The following EDN1 variants were observed in gnomAD, a reference collection of about 807,000 sequenced individuals.
EDN1 encodes endothelin-1.
In EDN1, 11 loss-of-function variants were observed where a neutral mutation model predicts 21.7. That is an observed-to-expected ratio of 0.51 (90% confidence interval 0.32 to 0.84). The LOEUF (loss-of-function observed/expected upper bound fraction) is 0.84. EDN1 is among the 40% of genes least tolerant of loss of function. The pLI, the probability that EDN1 is intolerant of heterozygous loss-of-function variation, is 0.03. For missense variants in EDN1, 244 were observed against 262.3 expected (o/e 0.93, Z 0.48); for synonymous variants, 85 against 90.6 (o/e 0.94, Z 0.35).
chr6:12,265,444 G>A, the EDN1 span, among the ~76,000 whole-genome samples: 2 of 152,194 alleles, frequency 1.3e-5, no homozygotes, highest in African/African-American at 2.4e-5. Flanking sequence ...CCAGTGACTA[G>A]TGTCCTCATA....
chr6:12,273,534 C>A, the EDN1 span, among the ~76,000 whole-genome samples: 1 of 147,796 alleles, frequency 6.8e-6, no homozygotes. Flanking sequence ...CCAAATTCAG[C>A]AATTTTTTTT....
rs1762817114 is a variant in EDN1 at position 12,296,072 on chromosome 6, C to A, written c.*5C>A. 1 of 1,613,004 alleles carries A rather than the reference C, an allele frequency of 6.2e-7. No homozygotes were observed. The highest frequency in any genetic ancestry group is 1.1e-5 in the South Asian group (1 of 91,066). On this transcript the variant is annotated 3_prime_UTR_variant, in exon 5 of 5. Coordinates refer to ENST00000379375, the MANE Select transcript of EDN1 (RefSeq NM_001955.5). ...CACAACCGAGCACATTGGTGACAGACCTTCGGGGCCTGTCTGAAGCCATAG... is the reference window on the plus strand; with the variant it reads ...CACAACCGAGCACATTGGTGACAGAACTTCGGGGCCTGTCTGAAGCCATAG...
the EDN1 span, among the ~76,000 whole-genome samples, chr6:12,254,289 C>A: frequency 2.6e-4 from 39 of 152,284 alleles, no homozygotes; most frequent in African/African-American, 9.1e-4. Context: ...CTGCCTGGTA[C>A]CCGCTCTTCT....
At chr6:12,245,346 G>T in the EDN1 span, among the ~76,000 whole-genome samples, 1 of 152,290 alleles carries the variant, frequency 6.6e-6, no homozygotes, top group African/African-American at 2.4e-5. Context: ...CTCTCCTGAT[G>T]AATATTTCAA....
At chr6:12,287,767 C>T (rs949710668), upstream of EDN1, among the ~76,000 whole-genome samples, 19 of 151,316 alleles carry the variant, frequency 1.3e-4, no homozygotes, top group Admixed American at 8.5e-4. Flanking sequence ...CGCGCGCGCG[C>T]GCGCGCAGGC....
chr6:12,276,231 T>C, the EDN1 span, among the ~76,000 whole-genome samples: 1 of 150,556 alleles, frequency 6.6e-6, no homozygotes, highest in Non-Finnish European at 1.5e-5. Flanking sequence ...CCAAAGATGT[T>C]GGTAGTTTCA....
the EDN1 span, among the ~76,000 whole-genome samples, chr6:12,242,221 G>A: frequency 9.8e-5 from 15 of 152,308 alleles, no homozygotes; most frequent in African/African-American, 3.6e-4. Context: ...AACAGTCAGT[G>A]TGATTTTACA....
At chr6:12,294,740 A>G (rs1762777448) in intron 4 of EDN1, among the ~76,000 whole-genome samples, 1 of 152,176 alleles carries the variant, frequency 6.6e-6, no homozygotes, top group South Asian at 2.1e-4. Context: ...CAATGTATTT[A>G]CCACTTTCCC....
At chr6:12,247,536 C>CTTTTTTTTTTTTTTTTTTTTTT in the EDN1 span, among the ~76,000 whole-genome samples, 6 of 97,752 alleles carry the variant, frequency 6.1e-5, no homozygotes, top group Non-Finnish European at 1.2e-4. Flanking sequence ...TTCTTTCTTT[C>CTTTTTTTTTTTTTTTTTTTTTT]TTTTTTTTTT....
the EDN1 span, among the ~76,000 whole-genome samples, chr6:12,250,215 G>T: frequency 6.6e-6 from 1 of 151,538 alleles, no homozygotes; most frequent in Non-Finnish European, 1.5e-5. Context: ...GAAAATATAT[G>T]ATGTCATATT....
chr6:12,257,018 C>G, the EDN1 span, among the ~76,000 whole-genome samples: 1 of 142,634 alleles, frequency 7.0e-6, no homozygotes, highest in East Asian at 2.1e-4. Flanking sequence ...AATGACATAT[C>G]GATATAATGA....
chr6:12,277,526 AT>A, the EDN1 span, among the ~76,000 whole-genome samples: 2 of 152,252 alleles, frequency 1.3e-5, no homozygotes, highest in Non-Finnish European at 2.9e-5. Context: ...TAAGAAATAG[AT>A]TTGGGAGTCG....
the EDN1 span, among the ~76,000 whole-genome samples, chr6:12,280,786 G>A: frequency 1.3e-5 from 2 of 152,196 alleles, no homozygotes; most frequent in Non-Finnish European, 2.9e-5. Context: ...CCAGCTACTC[G>A]GGAGGCTAAT....
the EDN1 span, among the ~76,000 whole-genome samples, chr6:12,244,823 A>AGCCC: frequency 6.6e-6 from 1 of 152,238 alleles, no homozygotes; most frequent in Non-Finnish European, 1.5e-5. Context: ...CACAGACCAC[A>AGCCC]CTTTGAGAGC....
Position 12,295,993 on chromosome 6 carries a change from T to C in EDN1, c.565T>C (p.Ser189Pro), listed in dbSNP as rs770703131. ...GACCATGAGAAACAGCGTCAAATCATCTTTTCATGATCCCAAGCTGAAAGG... is the reference window on the plus strand; with the variant it reads ...GACCATGAGAAACAGCGTCAAATCACCTTTTCATGATCCCAAGCTGAAAGG... Reference protein sequence around the residue: ...SETMRNSVKSSFHDPKLKGKP... With the variant: ...SETMRNSVKSPFHDPKLKGKP... The change falls in exon 5 of 5, where the codon TCT becomes CCT. Residue 189 changes from serine (S) to proline (P), a missense_variant. Physicochemically the swap from Ser to Pro is moderately conservative, Grantham distance 74 (BLOSUM62 -1). Transcript: ENST00000379375. 6.2e-7 allele frequency: 1 copy of C among 1,613,978 alleles called. No individual in the cohort carries two copies. Among genetic ancestry groups the C allele is most frequent in the Non-Finnish European group, 8.5e-7 (1 of 1,180,018 alleles).
At chr6:12,256,515 G>T in the EDN1 span, among the ~76,000 whole-genome samples, 1 of 152,174 alleles carries the variant, frequency 6.6e-6, no homozygotes, top group East Asian at 1.9e-4. Context: ...GAGCAACAAG[G>T]CCTGGGGTCC....
the EDN1 span, among the ~76,000 whole-genome samples, chr6:12,234,432 A>G: frequency 7.5e-3 from 1,144 of 152,324 alleles, 19 homozygotes; most frequent in African/African-American, 0.026. Context: ...ATGTATAGTA[A>G]GTAGCCAACT....
intron 3 of EDN1, 42 bp from the exon 4 acceptor site, chr6:12,294,219 A>G (rs555033554): frequency 1.2e-6 from 2 of 1,613,982 alleles, no homozygotes; most frequent in African/African-American, 1.3e-5. Flanking sequence ...GTAAAGCTGA[A>G]TATAACATTG....
the EDN1 span, among the ~76,000 whole-genome samples, chr6:12,236,129 T>A: frequency 6.6e-6 from 1 of 152,206 alleles, no homozygotes; most frequent in African/African-American, 2.4e-5. Context: ...TGAAAAGGAA[T>A]CCCTATTTGA....
Sources: allele counts gnomAD v4.1 joint callset (sites outside exome capture counted in the v4.1 genomes callset), GRCh38; gene constraint gnomAD v4.1.1; transcripts MANE v1.5; gene names NCBI Gene and HGNC (gene_info 2026-07-23, HGNC 2026-07-21).